The following CAMK2D variants were observed in gnomAD, a reference collection of about 807,000 sequenced individuals.
The protein encoded by CAMK2D is calcium/calmodulin dependent protein kinase II delta, also known as calcium/calmodulin-dependent protein kinase type II subunit delta.
A neutral mutation model predicts 84.0 loss-of-function variants in CAMK2D; 37 were observed. The ratio of observed to expected loss-of-function variants is 0.44; its 90% CI spans 0.34 to 0.58. The LOEUF (loss-of-function observed/expected upper bound fraction) is 0.58. Ranked by LOEUF, CAMK2D falls within the 20% of genes least tolerant of loss-of-function variation. CAMK2D has a pLI of 0.02. For synonymous variants in CAMK2D, 202 were observed against 212.5 expected, an observed-to-expected ratio of 0.95 and a Z score of 0.43; for missense variants, 448 against 652.5, an observed-to-expected ratio of 0.69 and a Z score of 3.41.
In CAMK2D at chr4:113,679,436, C is replaced by T. The variant is rs1013694204; in HGVS notation, c.161-17664G>A. 4.1e-6 allele frequency: 4 copies of T among 978,174 alleles called. No individual in the cohort carries two copies. In the African/African-American group the frequency reaches 7.0e-5, roughly 17 times the overall value. 60.6% of individuals were successfully genotyped at this position (978,174 alleles called of 1,614,324 possible). A position where few individuals can be genotyped will look rare whatever the true frequency, so the allele number is the denominator to read the frequency against. Reference sequence around the variant, plus strand: ...AGCCATTTTCTTTTCTTTCTTAATTCTTCCCTAGATGTCCATCATATATTC... The same window carrying T: ...AGCCATTTTCTTTTCTTTCTTAATTTTTCCCTAGATGTCCATCATATATTC... On this transcript the variant is annotated intron_variant, in intron 2 of 20. Transcript: ENST00000511664.
intron 4 of CAMK2D, among the ~76,000 whole-genome samples, chr4:113,604,011 A>C (rs2098967161): frequency 6.6e-6 from 1 of 151,922 alleles, no homozygotes; most frequent in Admixed American, 6.6e-5. Flanking sequence ...ATTTTTTAGA[A>C]AGTAAAAATC....
intron 15 of CAMK2D, among the ~76,000 whole-genome samples, chr4:113,501,739 A>G (rs912310730): frequency 6.6e-6 from 1 of 152,092 alleles, no homozygotes; most frequent in Non-Finnish European, 1.5e-5. Flanking sequence ...TCAGCAAGAA[A>G]TATCATGCAG....
chr4:113,514,287 C>T (rs2098256350), intron 10 of CAMK2D, among the ~76,000 whole-genome samples: 2 of 152,110 alleles, frequency 1.3e-5, no homozygotes, highest in Admixed American at 6.5e-5. Flanking sequence ...GTGGTGGGCA[C>T]CTGTAATCCC....
chr4:113,666,597 G>A (rs1401859039), intron 2 of CAMK2D, among the ~76,000 whole-genome samples: 5 of 151,568 alleles, frequency 3.3e-5, no homozygotes, highest in South Asian at 2.1e-4. Context: ...ACACACGCAC[G>A]CATGCACACA....
chr4:113,639,031 C>A (rs2099121137), intron 3 of CAMK2D, among the ~76,000 whole-genome samples: 2 of 151,332 alleles, frequency 1.3e-5, no homozygotes, highest in South Asian at 4.2e-4. Flanking sequence ...TCACCTGAGG[C>A]CTGGAATTCG....
intron 8 of CAMK2D, among the ~76,000 whole-genome samples, chr4:113,527,151 A>G (rs908987076): frequency 1.3e-5 from 2 of 152,112 alleles, no homozygotes; most frequent in African/African-American, 4.8e-5. Flanking sequence ...ACCTTTAGCA[A>G]CAACTATCCT....
chr4:113,536,613 G>C (rs930862135), intron 7 of CAMK2D, among the ~76,000 whole-genome samples: 1 of 152,106 alleles, frequency 6.6e-6, no homozygotes, highest in African/African-American at 2.4e-5. Flanking sequence ...CTATACATGG[G>C]AAGTGGGTTG....
intron 4 of CAMK2D, among the ~76,000 whole-genome samples, chr4:113,598,136 C>A (rs531016193): frequency 6.6e-6 from 1 of 152,232 alleles, no homozygotes; most frequent in South Asian, 2.1e-4. Flanking sequence ...TTGAGACTTA[C>A]CATAAAGCTA....
At chr4:113,637,219 T>C (rs1352505410) in intron 3 of CAMK2D, among the ~76,000 whole-genome samples, 2 of 152,162 alleles carry the variant, frequency 1.3e-5, no homozygotes, top group African/African-American at 4.8e-5. Context: ...GTATCACAGG[T>C]GTACAGAAGA....
chr4:113,760,770 G>T (rs1487430135), intron 1 of CAMK2D, among the ~76,000 whole-genome samples: 1 of 152,132 alleles, frequency 6.6e-6, no homozygotes, highest in Admixed American at 6.5e-5. Context: ...GGGACCGGGA[G>T]AAGGTGGGCT....
intron 3 of CAMK2D, 26 bp downstream of exon 3, chr4:113,661,686 TA>T: frequency 2.7e-6 from 3 of 1,108,176 alleles, no homozygotes; most frequent in Non-Finnish European, 3.8e-6. Context: ...AATTAACATT[TA>T]AAAAACATTA....
intron 2 of CAMK2D, among the ~76,000 whole-genome samples, chr4:113,703,507 G>C (rs542349718): frequency 6.6e-6 from 1 of 152,184 alleles, no homozygotes; most frequent in East Asian, 1.9e-4. Context: ...TTTATTTGTA[G>C]AGATGCGGTA....
At chr4:113,532,295 C>T (rs1408787627) in intron 7 of CAMK2D, among the ~76,000 whole-genome samples, 1 of 151,524 alleles carries the variant, frequency 6.6e-6, no homozygotes, top group Non-Finnish European at 1.5e-5. Flanking sequence ...TTTCTATTAC[C>T]ATTCTTCTTT....
At chr4:113,458,170 A>G (rs2097327976) in intron 18 of CAMK2D, among the ~76,000 whole-genome samples, 1 of 152,200 alleles carries the variant, frequency 6.6e-6, no homozygotes, top group Non-Finnish European at 1.5e-5. Context: ...CACTGTGATC[A>G]TCTGATAAAC....
chr4:113,566,150 T>C (rs775697614), intron 4 of CAMK2D, among the ~76,000 whole-genome samples: 3 of 152,192 alleles, frequency 2.0e-5, no homozygotes, highest in Admixed American at 6.5e-5. Flanking sequence ...CAATGGAAAG[T>C]AGCAAAAGAG....
At chr4:113,575,875 T>A (rs1222060005) in intron 4 of CAMK2D, among the ~76,000 whole-genome samples, 1 of 152,186 alleles carries the variant, frequency 6.6e-6, no homozygotes, top group Admixed American at 6.5e-5. Flanking sequence ...GCAAATATTT[T>A]AGTTATGTAA....
intron 17 of CAMK2D, among the ~76,000 whole-genome samples, chr4:113,461,646 G>A (rs2097374884): frequency 6.6e-6 from 1 of 152,144 alleles, no homozygotes; most frequent in South Asian, 2.1e-4. Context: ...GACAAGACCT[G>A]GATTTGAAGA....
intron 4 of CAMK2D, among the ~76,000 whole-genome samples, chr4:113,589,680 G>A (rs2098852260): frequency 6.6e-6 from 1 of 152,132 alleles, no homozygotes; most frequent in Non-Finnish European, 1.5e-5. Context: ...TTAAATTTGA[G>A]ATGCCAATTA....
intron 2 of CAMK2D, among the ~76,000 whole-genome samples, chr4:113,679,216 T>G (rs1442179199): frequency 6.6e-6 from 1 of 152,202 alleles, no homozygotes; most frequent in African/African-American, 2.4e-5. Context: ...GAAAGGTTGT[T>G]AATGCTAAAG....
Sources: gnomAD v4.1 joint callset for allele counts (sites outside exome capture counted in the v4.1 genomes callset) on GRCh38, gnomAD v4.1.1 for gene constraint, MANE v1.5 for transcripts, NCBI Gene and HGNC (gene_info 2026-07-23, HGNC 2026-07-21) for gene names.